The following SH3PXD2A variants were observed in gnomAD, a reference collection of about 807,000 sequenced individuals.
SH3PXD2A encodes SH3 and PX domains 2A, also known as SH3 and PX domain-containing protein 2A.
A neutral mutation model predicts 115.2 loss-of-function variants in SH3PXD2A; 32 were observed. The ratio of observed to expected loss-of-function variants is 0.28; its 90% CI spans 0.21 to 0.37. The LOEUF (loss-of-function observed/expected upper bound fraction) is 0.37. SH3PXD2A is among the 10% of genes least tolerant of loss of function. The pLI, the probability that SH3PXD2A is intolerant of heterozygous loss-of-function variation, is 1.00. For missense variants in SH3PXD2A, 1,328 were observed against 1,498.7 expected, an observed-to-expected ratio of 0.89 and a Z score of 1.88; for synonymous variants, 610 against 629.1, an observed-to-expected ratio of 0.97 and a Z score of 0.45.
At chr10:103,707,839 GTCTC>G (rs987554472) in intron 5 of SH3PXD2A, among the ~76,000 whole-genome samples, 46 of 152,256 alleles carry the variant, frequency 3.0e-4, no homozygotes, top group African/African-American at 9.9e-4. Flanking sequence ...TTTTGTGTGT[GTCTC>G]TCTCTACCTT....
intron 8 of SH3PXD2A, among the ~76,000 whole-genome samples, chr10:103,631,102 CA>C (rs1389040475): frequency 5.3e-5 from 8 of 151,962 alleles, no homozygotes; most frequent in Non-Finnish European, 8.8e-5. Context: ...CTATCTCTAC[CA>C]AAAATTTTAA....
intron 14 of SH3PXD2A, 55 bp from the exon 15 acceptor site, chr10:103,603,844 C>A: frequency 6.6e-7 from 1 of 1,507,828 alleles, no homozygotes; most frequent in South Asian, 1.3e-5. Flanking sequence ...AACCCTATGA[C>A]ATCCCAAGGT....
chr10:103,606,599 A>T (rs1259680616), intron 13 of SH3PXD2A, among the ~76,000 whole-genome samples: 2 of 150,824 alleles, frequency 1.3e-5, no homozygotes, highest in South Asian at 4.2e-4. Context: ...TCCCTGCCTG[A>T]TTCTCCTGCC....
chr10:103,635,302 G>C (rs975376568), intron 8 of SH3PXD2A, among the ~76,000 whole-genome samples: 3 of 152,224 alleles, frequency 2.0e-5, no homozygotes, highest in African/African-American at 4.8e-5. Context: ...GGATCTTTTG[G>C]GAGGTGGGGC....
intron 1 of SH3PXD2A, among the ~76,000 whole-genome samples, chr10:103,805,366 C>A (rs1033430456): frequency 6.6e-6 from 1 of 152,156 alleles, no homozygotes; most frequent in Non-Finnish European, 1.5e-5. Flanking sequence ...GCTGCAAGAC[C>A]CCAGCCCAGC....
intron 7 of SH3PXD2A, among the ~76,000 whole-genome samples, chr10:103,663,636 C>G (rs2037343178): frequency 6.6e-6 from 1 of 152,234 alleles, no homozygotes; most frequent in South Asian, 2.1e-4. Context: ...CCCCTGTGTC[C>G]CTATGGTGCT....
rs2036139712 is a variant in SH3PXD2A at position 103,596,663 on chromosome 10, A to ACTCTTTCTCT, written c.*5152_*5153insAGAGAAAGAG. On this transcript the variant is annotated 3_prime_UTR_variant, in exon 15 of 15. Transcript: ENST00000369774. Reference sequence around the variant, plus strand: ...CACACACACACACACACACACACACACTCTCTCTCTCTCTCTCTCTCTCAC... The same window carrying ACTCTTTCTCT: ...CACACACACACACACACACACACACACTCTTTCTCTCTCTCTCTCTCTCTCTCTCTCTCAC... 8.0e-6 allele frequency: 1 copy of ACTCTTTCTCT among 124,440 alleles called. No individual in the cohort carries two copies. The highest frequency in any genetic ancestry group is 1.7e-5 in the Non-Finnish European group (1 of 59,982). 7.7% of individuals were successfully genotyped at this position (124,440 alleles called of 1,614,324 possible). A position where few individuals can be genotyped will look rare whatever the true frequency, so the allele number is the denominator to read the frequency against.
intron 5 of SH3PXD2A, among the ~76,000 whole-genome samples, chr10:103,709,103 T>G (rs568598233): frequency 6.6e-6 from 1 of 151,944 alleles, no homozygotes; most frequent in Non-Finnish European, 1.5e-5. Flanking sequence ...TCTGAGCCAT[T>G]CAGAGGAGCC....
At chr10:103,794,719 C>A (rs2039070264) in intron 2 of SH3PXD2A, among the ~76,000 whole-genome samples, 1 of 152,198 alleles carries the variant, frequency 6.6e-6, no homozygotes, top group Non-Finnish European at 1.5e-5. Context: ...GGTCCTTTTC[C>A]TGGTCAGATA....
At chr10:103,658,021 T>TGGTTAAA (rs1209489489) in intron 8 of SH3PXD2A, among the ~76,000 whole-genome samples, 3 of 152,242 alleles carry the variant, frequency 2.0e-5, no homozygotes, top group African/African-American at 7.2e-5. Flanking sequence ...GCCTATTACT[T>TGGTTAAA]CAGCCACAAA....
intron 1 of SH3PXD2A, among the ~76,000 whole-genome samples, chr10:103,820,734 G>T (rs896656136): frequency 1.3e-5 from 2 of 152,190 alleles, no homozygotes; most frequent in Non-Finnish European, 2.9e-5. Flanking sequence ...GATAAGGGGC[G>T]GGGGGGTTGG....
chr10:103,840,427 T>C (rs2039586176), intron 1 of SH3PXD2A, among the ~76,000 whole-genome samples: 1 of 151,910 alleles, frequency 6.6e-6, no homozygotes, highest in Non-Finnish European at 1.5e-5. Context: ...CAGAAACAAA[T>C]GGTTTTTCCT....
intron 8 of SH3PXD2A, among the ~76,000 whole-genome samples, chr10:103,660,543 G>A (rs2037279501): frequency 6.6e-6 from 1 of 152,136 alleles, no homozygotes. Flanking sequence ...CCAGCGACCC[G>A]GGGACCCTGG....
intron 5 of SH3PXD2A, among the ~76,000 whole-genome samples, chr10:103,711,013 G>A (rs2038040615): frequency 6.6e-6 from 1 of 152,142 alleles, no homozygotes. Flanking sequence ...TCCAGGACTG[G>A]GAGAGAGACA....
chr10:103,795,903 A>AGG (rs2039081322), intron 2 of SH3PXD2A, among the ~76,000 whole-genome samples: 1 of 120,014 alleles, frequency 8.3e-6, no homozygotes, highest in Non-Finnish European at 1.7e-5. Context: ...GGAGGGAGGA[A>AGG]AAGGAAGGAA....
At chr10:103,722,410 C>A (rs2038193167) in intron 5 of SH3PXD2A, among the ~76,000 whole-genome samples, 1 of 152,072 alleles carries the variant, frequency 6.6e-6, no homozygotes, top group Non-Finnish European at 1.5e-5. Flanking sequence ...ATCACTATTC[C>A]CTTTTTACAG....
chr10:103,787,403 C>T (rs1312498120), intron 2 of SH3PXD2A, among the ~76,000 whole-genome samples: 3 of 152,254 alleles, frequency 2.0e-5, no homozygotes, highest in Non-Finnish European at 2.9e-5. Context: ...TCCTCCTACA[C>T]AGTTTTCTTA....
chr10:103,658,598 T>C lies in SH3PXD2A; in HGVS notation c.604+2385A>G, dbSNP rs146097469. On this transcript the variant is annotated intron_variant, in intron 8 of 14. Transcript: ENST00000369774. ...TTCTCTGGTTAGGCTGGATGTATAC[T>C]CCAGGCCTCCTAGTAGATAGCAACA... is the stretch of plus-strand genomic sequence containing the variant. Among the ~76,000 whole-genome samples, 441 of 152,268 alleles carry C rather than the reference T, an allele frequency of 2.9e-3. 1 individual carries two copies. The highest frequency in any genetic ancestry group is 0.01 in the African/African-American group (426 of 41,550).
chr10:103,823,321 G>A (rs2039399457), intron 1 of SH3PXD2A, among the ~76,000 whole-genome samples: 1 of 152,184 alleles, frequency 6.6e-6, no homozygotes, highest in Non-Finnish European at 1.5e-5. Context: ...AGGCAATGCT[G>A]GCTTTGTGTA....
Sources: gnomAD v4.1 joint callset for allele counts (sites outside exome capture counted in the v4.1 genomes callset) on GRCh38, gnomAD v4.1.1 for gene constraint, MANE v1.5 for transcripts, NCBI Gene and HGNC (gene_info 2026-07-23, HGNC 2026-07-21) for gene names.